GALNT13: variants seen among roughly 807,000 people sequenced by gnomAD.
GALNT13 encodes UDP-GalNAc:polypeptide N-acetylgalactosaminyltransferase 13.
In GALNT13, 28 loss-of-function variants were observed where a neutral mutation model predicts 64.2. The ratio of observed to expected loss-of-function variants is 0.44; its 90% CI spans 0.32 to 0.60. The LOEUF (loss-of-function observed/expected upper bound fraction) is 0.60. GALNT13 is among the 20% of genes least tolerant of loss of function. The pLI is 0.05. For synonymous variants in GALNT13, 214 were observed against 224.6 expected (o/e 0.95, Z 0.42); for missense variants, 577 against 669.8 (o/e 0.86, Z 1.53).
chr2:153,736,405 C>G, the GALNT13 span, among the ~76,000 whole-genome samples: 1 of 152,120 alleles, frequency 6.6e-6, no homozygotes, highest in African/African-American at 2.4e-5. Context: ...CCCTACTTCC[C>G]CAATGTAATC....
the GALNT13 span, among the ~76,000 whole-genome samples, chr2:153,635,232 G>C: frequency 0.08 from 12,151 of 151,542 alleles, 589 homozygotes; most frequent in Non-Finnish European, 0.11. Flanking sequence ...TTTTTTCTGA[G>C]AAATTTTGCC....
In GALNT13 at chr2:154,450,673, C is replaced by G; in HGVS notation, c.*122C>G. On this transcript the variant is annotated 3_prime_UTR_variant, in exon 13 of 13. Transcript: ENST00000392825. Reference sequence around the variant, plus strand: ...AAAATCCTTTTAGTATTCTAAAACACAATTGTTTCTAATTCGTTTCTAGAA... The same window carrying G: ...AAAATCCTTTTAGTATTCTAAAACAGAATTGTTTCTAATTCGTTTCTAGAA... 1 of 878,372 alleles carries G rather than the reference C, an allele frequency of 1.1e-6. No homozygotes were observed. The highest frequency in any genetic ancestry group is 1.6e-6 in the Non-Finnish European group (1 of 606,584). 54.4% of individuals were successfully genotyped at this position (878,372 alleles called of 1,614,324 possible). A position where few individuals can be genotyped will look rare whatever the true frequency, so the allele number is the denominator to read the frequency against.
chr2:153,602,759 T>C, the GALNT13 span, among the ~76,000 whole-genome samples: 4 of 151,528 alleles, frequency 2.6e-5, no homozygotes, highest in Non-Finnish European at 5.9e-5. Context: ...ATCATAGGAG[T>C]GAATGATCTG....
At chr2:153,401,669 A>C in the GALNT13 span, among the ~76,000 whole-genome samples, 3 of 148,766 alleles carry the variant, frequency 2.0e-5, no homozygotes, top group Non-Finnish European at 3.0e-5. Context: ...TGATCCCTTT[A>C]CCATTATGTA....
At chr2:153,887,094 C>G (rs951646483) in intron 1 of GALNT13, among the ~76,000 whole-genome samples, 1 of 151,876 alleles carries the variant, frequency 6.6e-6, no homozygotes, top group Non-Finnish European at 1.5e-5. Context: ...CAACCCAGGT[C>G]TCTTACTGGG....
At chr2:154,393,830 G>A (rs11899603) in intron 9 of GALNT13, among the ~76,000 whole-genome samples, 12,033 of 151,910 alleles carry the variant, frequency 0.079, 621 homozygotes, top group African/African-American at 0.13. Flanking sequence ...TGTAATCCCA[G>A]CACTTTGGGA....
the GALNT13 span, among the ~76,000 whole-genome samples, chr2:153,663,089 T>C: frequency 6.6e-6 from 1 of 152,190 alleles, no homozygotes; most frequent in East Asian, 1.9e-4. Flanking sequence ...GAAACTCCTT[T>C]GAAAGCAATA....
intron 3 of GALNT13, among the ~76,000 whole-genome samples, chr2:154,082,440 T>C (rs531445642): frequency 4.5e-4 from 68 of 151,860 alleles, no homozygotes; most frequent in Middle Eastern, 3.4e-3. Context: ...TAAAATTCCT[T>C]AGTGCTCCTA....
chr2:153,936,576 G>A (rs889892710), intron 2 of GALNT13, among the ~76,000 whole-genome samples: 2 of 152,092 alleles, frequency 1.3e-5, no homozygotes, highest in Non-Finnish European at 2.9e-5. Flanking sequence ...ATCACAGAGA[G>A]CCATAAATAT....
At chr2:154,456,109 A>G (rs1702029082), downstream of GALNT13, among the ~76,000 whole-genome samples, 1 of 151,378 alleles carries the variant, frequency 6.6e-6, no homozygotes, top group Non-Finnish European at 1.5e-5. Flanking sequence ...AAATAGCACA[A>G]GGGGGAAAAA....
the GALNT13 span, chr2:153,172,233 A>G: frequency 6.6e-6 from 1 of 152,144 alleles, no homozygotes; most frequent in Non-Finnish European, 1.5e-5. Flanking sequence ...GGGAGACTGT[A>G]TTAGTGTTAG....
the GALNT13 span, among the ~76,000 whole-genome samples, chr2:153,391,709 C>A: frequency 3.9e-5 from 6 of 151,914 alleles, no homozygotes; most frequent in Non-Finnish European, 8.8e-5. Flanking sequence ...ATGTGACTCC[C>A]ACCAGTAAGA....
chr2:153,608,287 T>C, the GALNT13 span, among the ~76,000 whole-genome samples: 1 of 152,160 alleles, frequency 6.6e-6, no homozygotes, highest in African/African-American at 2.4e-5. Flanking sequence ...GAGGGCTTAA[T>C]ATAAATCGTG....
At chr2:153,436,880 T>A in the GALNT13 span, among the ~76,000 whole-genome samples, 109 of 152,334 alleles carry the variant, frequency 7.2e-4, 1 homozygote, top group South Asian at 8.7e-3. Context: ...TTTGAATGTG[T>A]TTGCTCTTGC....
intron 8 of GALNT13, among the ~76,000 whole-genome samples, chr2:154,299,504 G>GACC (rs1250059608): frequency 6.7e-6 from 1 of 150,188 alleles, no homozygotes; most frequent in Non-Finnish European, 1.5e-5. Flanking sequence ...GCCCAGGCTG[G>GACC]AGTGCAGTGG....
chr2:153,079,436 A>G, the GALNT13 span, among the ~76,000 whole-genome samples: 1 of 152,060 alleles, frequency 6.6e-6, no homozygotes, highest in Non-Finnish European at 1.5e-5. Context: ...TTTTCTTTGG[A>G]TTGGCTGTTA....
intron 9 of GALNT13, among the ~76,000 whole-genome samples, chr2:154,338,436 G>A (rs1322976874): frequency 6.6e-6 from 1 of 151,934 alleles, no homozygotes; most frequent in Admixed American, 6.6e-5. Context: ...ATGTTTTAAG[G>A]CTACCTAAGA....
At chr2:153,975,377 T>C (rs1041469693) in intron 3 of GALNT13, among the ~76,000 whole-genome samples, 4 of 152,092 alleles carry the variant, frequency 2.6e-5, no homozygotes, top group Non-Finnish European at 4.4e-5. Flanking sequence ...TGAGAACTAC[T>C]GACTTACATG....
At chr2:154,351,422 G>A (rs906961186) in intron 9 of GALNT13, among the ~76,000 whole-genome samples, 9 of 151,880 alleles carry the variant, frequency 5.9e-5, no homozygotes, top group African/African-American at 1.7e-4. Flanking sequence ...GGTGGCTCAC[G>A]CCTGTAATCC....
Sources: allele counts gnomAD v4.1 joint callset (sites outside exome capture counted in the v4.1 genomes callset), GRCh38; gene constraint gnomAD v4.1.1; transcripts MANE v1.5; gene names NCBI Gene and HGNC (gene_info 2026-07-23, HGNC 2026-07-21).